SMPDL3A: variants seen among roughly 807,000 people sequenced by gnomAD.
SMPDL3A encodes cyclic GMP-AMP phosphodiesterase SMPDL3A.
Under a neutral mutation model 38.5 loss-of-function variants are expected in SMPDL3A, and 39 were observed. The observed-to-expected ratio is 1.01, with a 90% CI of 0.78 to 1.32. SMPDL3A has a LOEUF of 1.32. SMPDL3A is among the 40% of genes most tolerant of loss of function. The pLI is 0.00. For synonymous variants in SMPDL3A, 180 were observed against 194.3 expected, an observed-to-expected ratio of 0.93 and a Z score of 0.61; for missense variants, 502 against 536.2, an observed-to-expected ratio of 0.94 and a Z score of 0.63.
rs1451831704 is a variant in SMPDL3A, at chr6:122,808,323, C to T, written c.1045-768C>T. ...CCAATTTCCATGACAGAAATACTCA[C>T]ATCATGGACAATTTCAAGCTACCAA... On this transcript the variant is annotated intron_variant, in intron 7 of 7. Coordinates refer to ENST00000368440, the MANE Select transcript of SMPDL3A (RefSeq NM_006714.5). Among the ~76,000 whole-genome samples, 6 of 152,248 alleles carry T rather than the reference C, an allele frequency of 3.9e-5. No individual in the cohort carries two copies. In the East Asian group the frequency reaches 9.7e-4, roughly 25 times the overall value.
At chr6:122,801,117 T>C (rs1210282089) in intron 3 of SMPDL3A, among the ~76,000 whole-genome samples, 193 bp from the exon 4 acceptor site, 2 of 152,210 alleles carry the variant, frequency 1.3e-5, no homozygotes, top group African/African-American at 2.4e-5. Context: ...CAGCACATTG[T>C]CTTATAGTTA....
chr6:122,795,688 C>T lies in SMPDL3A; in HGVS notation c.124C>T (p.His42Tyr). 2 of 1,613,376 alleles carry T rather than the reference C, an allele frequency of 1.2e-6. No homozygotes were observed. The highest frequency in any genetic ancestry group is 1.7e-4 in the Middle Eastern group (1 of 6,058). The stretch of plus-strand genomic sequence containing the variant: ...TGTGTAATCAACAGGACAGTTTTGG[C>T]ATGTGACTGACTTACACTTAGACCC... ...NPPPAIGQFW[H>Y]VTDLHLDPTY... Residue 42 changes from histidine (H) to tyrosine (Y), a missense_variant, in exon 2 of 8, where the codon CAT becomes TAT. By Grantham distance (83) the His-to-Tyr change is moderately conservative (BLOSUM62 2). Transcript: ENST00000368440.
At chr6:122,807,086 G>T (rs576525062) in intron 7 of SMPDL3A, among the ~76,000 whole-genome samples, 96 of 149,720 alleles carry the variant, frequency 6.4e-4, no homozygotes, top group African/African-American at 8.8e-4. Flanking sequence ...AGAGATGGGG[G>T]GGGGGGGTCT....
chr6:122,806,037 A>G (rs534957998), intron 6 of SMPDL3A, among the ~76,000 whole-genome samples, 196 bp from the exon 7 acceptor site: 1 of 152,208 alleles, frequency 6.6e-6, no homozygotes, highest in Admixed American at 6.5e-5. Flanking sequence ...ATCAACAATA[A>G]TTATCTGGTA....
rs1375137119 is a variant in SMPDL3A at position 122,789,311 on chromosome 6, A to ACAGCCCGAACCTCCAGGT, written c.-29_-12dup. Reference sequence around the variant, plus strand: ...CTGACGGTCCGAGTGGAGCTGCGGGACAGCCCGAACCTCCAGGTCAGCCCC... The same window carrying ACAGCCCGAACCTCCAGGT: ...CTGACGGTCCGAGTGGAGCTGCGGGACAGCCCGAACCTCCAGGTCAGCCCGAACCTCCAGGTCAGCCCC... On this transcript the variant is annotated 5_prime_UTR_variant, in exon 1 of 8. Transcript: ENST00000368440. 45 of 1,445,028 alleles carry ACAGCCCGAACCTCCAGGT rather than the reference A, an allele frequency of 3.1e-5. No homozygotes were observed. The highest frequency in any genetic ancestry group is 6.1e-5 in the Admixed American group (3 of 48,860). 89.5% of individuals were successfully genotyped at this position (1,445,028 alleles called of 1,614,324 possible). A position where few individuals can be genotyped will look rare whatever the true frequency, so the allele number is the denominator to read the frequency against.
At position 122,789,587 on chromosome 6, in the gene SMPDL3A, C is replaced by T; in HGVS notation, c.112+129C>T. On this transcript the variant is annotated intron_variant, in intron 1 of 7. Coordinates refer to ENST00000368440, the MANE Select transcript of SMPDL3A (RefSeq NM_006714.5). ...AGGCTCGGGCTAGCGGGGCCCCTGA[C>T]GCGTCCGGCGTTGACCACGGCTGGT... is the stretch of plus-strand genomic sequence containing the variant. The T allele has an allele frequency of 6.6e-6, 6 of 907,176 alleles. No homozygotes were observed. In the South Asian group the frequency reaches 9.2e-5, roughly 14 times the overall value. 56.2% of individuals were successfully genotyped at this position (907,176 alleles called of 1,614,324 possible).
intron 2 of SMPDL3A, 23 bp downstream of exon 2, chr6:122,795,913 T>C (rs761108303): frequency 1.3e-6 from 2 of 1,492,606 alleles, no homozygotes; most frequent in East Asian, 4.5e-5. Context: ...ACAAGTACCA[T>C]TAATTACTCA....
At chr6:122,789,634 G>A (rs945753846) in intron 1 of SMPDL3A, among the ~76,000 whole-genome samples, 176 bp downstream of exon 1, 1 of 152,260 alleles carries the variant, frequency 6.6e-6, no homozygotes, top group Non-Finnish European at 1.5e-5. Flanking sequence ...GGGCGACCAA[G>A]GGACTACAGC....
In SMPDL3A at chr6:122,804,918, A is replaced by G. The variant is rs2115174070; in HGVS notation, c.748A>G (p.Ile250Val). The part of the protein sequence containing the change: ...SQQNKEKVYI[I>V]AHVPVGYLPS... ...GTGTTTCTTTTTCCAGGTGTATATC[A>G]TAGCACATGTTCCAGTGGGGTATCT... is the stretch of plus-strand genomic sequence containing the variant. The change falls in exon 6 of 8, where the codon ATA (isoleucine) becomes GTA (valine). Residue 250 changes from isoleucine to valine, a missense_variant. Ile to Val is a conservative substitution (Grantham distance 29, BLOSUM62 3). Coordinates refer to ENST00000368440, the MANE Select transcript of SMPDL3A (RefSeq NM_006714.5). 1 of 1,611,098 alleles carries G rather than the reference A, an allele frequency of 6.2e-7. No homozygotes were observed. Among genetic ancestry groups the G allele is most frequent in the Non-Finnish European group, 8.5e-7 (1 of 1,179,138 alleles).
chr6:122,803,975 A>G lies in SMPDL3A; in HGVS notation c.738+142A>G, dbSNP rs1039884350. On this transcript the variant is annotated intron_variant, in intron 5 of 7. Transcript: ENST00000368440. ...TGCATAAACACTTTACAACTCATGG[A>G]TTTTCTTTCTTTTTTTTTTTTTTAA... 1.1e-4 allele frequency: 63 copies of G among 587,688 alleles called. No homozygotes were observed. The African/African-American group carries it at 1.1e-3, about 10-fold the overall frequency. 36.4% of individuals were successfully genotyped at this position (587,688 alleles called of 1,614,324 possible).
In SMPDL3A at chr6:122,797,561, C is replaced by T. The variant is rs571826889; in HGVS notation, c.471+593C>T. On this transcript the variant is annotated intron_variant, in intron 3 of 7. Transcript: ENST00000368440. ...GGCTCAACAGGTTTTTATTTGAGAA[C>T]CAACCTGTGCATAACAGCAAGATGG... 5.3e-5 allele frequency among the ~76,000 whole-genome samples: 8 copies of T among 152,264 alleles called. No individual in the cohort carries two copies. The South Asian group carries it at 8.3e-4, about 16-fold the overall frequency.
chr6:122,792,221 C>T (rs1781101272), intron 1 of SMPDL3A, among the ~76,000 whole-genome samples: 1 of 152,146 alleles, frequency 6.6e-6, no homozygotes, highest in South Asian at 2.1e-4. Flanking sequence ...TTCTTGGCTT[C>T]TGTTTAAAGA....
At chr6:122,807,684 A>T (rs1195483789) in intron 7 of SMPDL3A, among the ~76,000 whole-genome samples, 1 of 150,212 alleles carries the variant, frequency 6.7e-6, no homozygotes, top group East Asian at 2.0e-4. Context: ...ATTCACTTCA[A>T]TTAAAGCCAT....
chr6:122,806,525 G>A (rs957326731), intron 7 of SMPDL3A, among the ~76,000 whole-genome samples, 168 bp downstream of exon 7: 3 of 152,184 alleles, frequency 2.0e-5, no homozygotes, highest in African/African-American at 7.2e-5. Flanking sequence ...GACTTACTAA[G>A]TGTGAGCTGA....
At chr6:122,791,449 A>G (rs1781074112) in intron 1 of SMPDL3A, among the ~76,000 whole-genome samples, 1 of 152,216 alleles carries the variant, frequency 6.6e-6, no homozygotes. Flanking sequence ...TGGTAACAAT[A>G]GCTAAGTTTG....
intron 2 of SMPDL3A, 62 bp from the exon 3 acceptor site, chr6:122,796,762 C>CT: frequency 7.0e-7 from 1 of 1,432,770 alleles, no homozygotes; most frequent in South Asian, 1.3e-5. Flanking sequence ...ACGCATCATG[C>CT]ATAAGTCTAG....
Position 122,789,358 on chromosome 6 carries a change from G to T in SMPDL3A, c.12G>T (p.Val4=). 6.5e-7 allele frequency: 1 copy of T among 1,546,470 alleles called. No homozygotes were observed. The highest frequency in any genetic ancestry group is 8.7e-7 in the Non-Finnish European group (1 of 1,145,620). The part of the protein sequence containing the change: MAL[V]RALVCCLLTA... ...CCCCGCGGCCCTCCATGGCGCTGGTGCGCGCACTCGTCTGCTGCCTGCTGA... is the reference window on the plus strand; with the variant it reads ...CCCCGCGGCCCTCCATGGCGCTGGTTCGCGCACTCGTCTGCTGCCTGCTGA... The change falls in exon 1 of 8, where the codon GTG becomes GTT. Residue 4 remains valine (V), a synonymous_variant. Coordinates refer to ENST00000368440, the MANE Select transcript of SMPDL3A (RefSeq NM_006714.5).
chr6:122,801,413 G>A lies in SMPDL3A; in HGVS notation c.568+7G>A. The A allele has an allele frequency of 6.4e-7, 1 of 1,555,792 alleles. No individual in the cohort carries two copies. The highest frequency in any genetic ancestry group is 8.9e-7 in the Non-Finnish European group (1 of 1,127,472). On this transcript the variant is annotated splice_region_variant and intron_variant, in intron 4 of 7. Coordinates refer to ENST00000368440, the MANE Select transcript of SMPDL3A (RefSeq NM_006714.5). ...ATTAGTACTTTAAGGAAAGGTAAGT[G>A]AAAGACTTAGTTATTCCTATTTTGC...
rs555533172 is a variant in SMPDL3A, at chr6:122,795,160, G to A, written c.113-517G>A. On this transcript the variant is annotated intron_variant, in intron 1 of 7. Transcript: ENST00000368440. ...CTGAGCTCATCGGTTCTTTTTTTTT[G>A]AGACGGAGTCTTGCTCTGTCGCCCA... 4.7e-5 allele frequency among the ~76,000 whole-genome samples: 7 copies of A among 149,518 alleles called. No homozygotes were observed. The South Asian group carries it at 1.5e-3, about 32-fold the overall frequency.
Sources: allele counts gnomAD v4.1 joint callset (sites outside exome capture counted in the v4.1 genomes callset), GRCh38; gene constraint gnomAD v4.1.1; transcripts MANE v1.5; gene names NCBI Gene and HGNC (gene_info 2026-07-23, HGNC 2026-07-21).